Variants in TMPRSS5 observed in about 807,000 individuals in gnomAD.
TMPRSS5 encodes the protein transmembrane protease serine 5.
Under a neutral mutation model 59.7 loss-of-function variants are expected in TMPRSS5, and 45 were observed. The observed-to-expected ratio is 0.75, with a 90% CI of 0.59 to 0.97. TMPRSS5 has a LOEUF of 0.97. Ranked by LOEUF, TMPRSS5 falls within the 50% of genes least tolerant of loss-of-function variation. The probability of loss-of-function intolerance (pLI) is 0.00; values close to 1 mark genes in which losing one functional copy is unlikely to be tolerated. For missense variants in TMPRSS5, 585 were observed against 596.7 expected (o/e 0.98, Z 0.20); for synonymous variants, 225 against 232.0 (o/e 0.97, Z 0.27).
intron 6 of TMPRSS5, 54 bp from the exon 7 acceptor site, chr11:113,695,497 A>G (rs369935955): frequency 6.3e-7 from 1 of 1,589,000 alleles, no homozygotes; most frequent in African/African-American, 1.3e-5. Context: ...CTGCAGCCAC[A>G]CACATCCAAG....
At position 113,695,455 on chromosome 11, in the gene TMPRSS5, AG is replaced by A. The variant is rs1565260026; in HGVS notation, c.579-13del. ...AAGTGCAGTTGTTCCTGCAAAACAG[AG>A]GTACCAACAAGAAGCTGGGCAGGGG... On this transcript the variant is annotated splice_polypyrimidine_tract_variant and intron_variant, in intron 6 of 12. Coordinates refer to ENST00000299882, the MANE Select transcript of TMPRSS5 (RefSeq NM_030770.4). 1 of 1,613,874 alleles carries A rather than the reference AG, an allele frequency of 6.2e-7. No individual in the cohort carries two copies. The highest frequency in any genetic ancestry group is 2.2e-5 in the East Asian group (1 of 44,882).
At chr11:113,697,720 C>CTAAG (rs1952970223) in intron 4 of TMPRSS5, among the ~76,000 whole-genome samples, 2 of 152,166 alleles carry the variant, frequency 1.3e-5, no homozygotes, top group African/African-American at 4.8e-5. Context: ...AGAAGGAGAA[C>CTAAG]TAAGGCATGG....
chr11:113,696,798 G>T, intron 6 of TMPRSS5, 60 bp downstream of exon 6: 2 of 1,183,528 alleles, frequency 1.7e-6, no homozygotes, highest in Non-Finnish European at 2.5e-6. Flanking sequence ...GGAGATTTTT[G>T]CTGGATTGAC....
In TMPRSS5 at chr11:113,688,119, G is replaced by C; in HGVS notation, c.*141C>G. 1 of 1,333,902 alleles carries C rather than the reference G, an allele frequency of 7.5e-7. No homozygotes were observed. 82.6% of individuals were successfully genotyped at this position (1,333,902 alleles called of 1,614,324 possible). A position where few individuals can be genotyped will look rare whatever the true frequency, so the allele number is the denominator to read the frequency against. On this transcript the variant is annotated 3_prime_UTR_variant, in exon 13 of 13. Transcript: ENST00000299882. ...GCTGGGTGGCTGGCCAGTGGGTAGT[G>C]ACTGTTCCTCACACACAGTAGTAGG...
intron 11 of TMPRSS5, 56 bp downstream of exon 11, chr11:113,690,175 T>TG: frequency 2.5e-5 from 4 of 159,574 alleles, no homozygotes; most frequent in South Asian, 8.9e-5. Flanking sequence ...GCAGGCCCCC[T>TG]GCCCTCCCAC....
rs1350126174 is a variant in TMPRSS5 at position 113,699,247 on chromosome 11, CT to C, written c.206-221del. Among the ~76,000 whole-genome samples the C allele has an allele frequency of 1.2e-3, 106 of 86,954 alleles. 1 individual carries two copies. The highest frequency in any genetic ancestry group is 1.8e-3 in the Non-Finnish European group (85 of 47,104). 57.0% of individuals were successfully genotyped at this position (86,954 alleles called of 152,430 possible). ...TCTCTCTCTCTCTCTCTCTCTCTCT[CT>C]CTCTCTCTCTCTCTCTCTCTCTCCC... On this transcript the variant is annotated intron_variant, in intron 3 of 12. Transcript: ENST00000299882.
intron 4 of TMPRSS5, among the ~76,000 whole-genome samples, chr11:113,698,540 C>T (rs966845040): frequency 2.0e-5 from 3 of 152,086 alleles, no homozygotes; most frequent in Admixed American, 6.5e-5. Context: ...ATGAGGTGGG[C>T]TGATGTTCCC....
At chr11:113,691,035 GC>G in intron 9 of TMPRSS5, 96 bp from the exon 10 acceptor site, 1 of 1,172,724 alleles carries the variant, frequency 8.5e-7, no homozygotes, top group Non-Finnish European at 1.2e-6. Flanking sequence ...GTCCTCCTCA[GC>G]CCCCTTCTCA....
chr11:113,700,238 C>A, intron 1 of TMPRSS5, 70 bp from the exon 2 acceptor site: 1 of 1,343,872 alleles, frequency 7.4e-7, no homozygotes, highest in South Asian at 1.6e-5. Context: ...ACAGCCCAGT[C>A]CAAGTCCCCA....
intron 1 of TMPRSS5, 28 bp from the exon 2 acceptor site, chr11:113,700,196 G>C: frequency 6.7e-7 from 1 of 1,499,064 alleles, no homozygotes. Context: ...AGACACCCAG[G>C]ATCCCCACAT....
Position 113,700,046 on chromosome 11 carries a change from T to C in TMPRSS5, c.106+20A>G. On this transcript the variant is annotated intron_variant, in intron 2 of 12. Coordinates refer to ENST00000299882, the MANE Select transcript of TMPRSS5 (RefSeq NM_030770.4). Reference sequence around the variant, plus strand: ...CACTGTCCCCACCCTGTCATTCCCCTATGGCCCAGTCTGGCCTACTGGGAT... The same window carrying C: ...CACTGTCCCCACCCTGTCATTCCCCCATGGCCCAGTCTGGCCTACTGGGAT... 2 of 1,555,002 alleles carry C rather than the reference T, an allele frequency of 1.3e-6. No individual in the cohort carries two copies. Among genetic ancestry groups the C allele is most frequent in the Non-Finnish European group, 1.7e-6 (2 of 1,148,694 alleles).
intron 1 of TMPRSS5, among the ~76,000 whole-genome samples, chr11:113,701,584 T>G (rs764672089): frequency 6.6e-6 from 1 of 151,988 alleles, no homozygotes; most frequent in Non-Finnish European, 1.5e-5. Flanking sequence ...TTGACAAATG[T>G]GTACACCCAC....
intron 3 of TMPRSS5, 44 bp downstream of exon 3, chr11:113,699,551 C>T: frequency 6.7e-7 from 1 of 1,501,596 alleles, no homozygotes; most frequent in Non-Finnish European, 9.1e-7. Context: ...CCTGCTTCTC[C>T]CTTCCAACCT....
At chr11:113,690,172 C>A (rs1176587283) in intron 11 of TMPRSS5, 59 bp downstream of exon 11, 27 of 755,740 alleles carry the variant, frequency 3.6e-5, no homozygotes, top group Middle Eastern at 7.6e-4. Flanking sequence ...ACAGCAGGCC[C>A]CCTGCCCTCC....
intron 1 of TMPRSS5, among the ~76,000 whole-genome samples, chr11:113,704,745 G>T (rs1193423441): frequency 6.6e-6 from 1 of 151,864 alleles, no homozygotes; most frequent in Non-Finnish European, 1.5e-5. Context: ...AGCACCTGTT[G>T]GGCCCTATAT....
chr11:113,690,172 C>CCCCGG, intron 11 of TMPRSS5, 59 bp downstream of exon 11: 22 of 755,488 alleles, frequency 2.9e-5, no homozygotes, highest in Non-Finnish European at 4.3e-5. Flanking sequence ...ACAGCAGGCC[C>CCCCGG]CCTGCCCTCC....
In TMPRSS5 at chr11:113,697,041, T is replaced by C; in HGVS notation, c.465-70A>G. Reference sequence around the variant, plus strand: ...ATATGTACGAGATATAATACTAGTATAGTGACCGCAAGACTGTGATAATGA... The same window carrying C: ...ATATGTACGAGATATAATACTAGTACAGTGACCGCAAGACTGTGATAATGA... On this transcript the variant is annotated intron_variant, in intron 5 of 12. Coordinates refer to ENST00000299882, the MANE Select transcript of TMPRSS5 (RefSeq NM_030770.4). The C allele has an allele frequency of 1.6e-6, 2 of 1,248,038 alleles. 1 individual carries two copies. The highest frequency in any genetic ancestry group is 2.3e-6 in the Non-Finnish European group (2 of 870,508). 77.3% of individuals were successfully genotyped at this position (1,248,038 alleles called of 1,614,324 possible).
chr11:113,694,902 T>A (rs1000708155), intron 7 of TMPRSS5, among the ~76,000 whole-genome samples: 4 of 152,152 alleles, frequency 2.6e-5, no homozygotes, highest in African/African-American at 9.7e-5. Flanking sequence ...AGAATGCCTG[T>A]CCTGTAGTAA....
chr11:113,704,413 A>C (rs996623812), intron 1 of TMPRSS5, among the ~76,000 whole-genome samples: 2 of 152,158 alleles, frequency 1.3e-5, no homozygotes, highest in Non-Finnish European at 2.9e-5. Context: ...TCTAAAATGC[A>C]AATATGAGCA....
Sources: gnomAD v4.1 joint callset for allele counts (sites outside exome capture counted in the v4.1 genomes callset) on GRCh38, gnomAD v4.1.1 for gene constraint, MANE v1.5 for transcripts, NCBI Gene and HGNC (gene_info 2026-07-23, HGNC 2026-07-21) for gene names.